OMA1: variants seen among roughly 807,000 people sequenced by gnomAD.
OMA1 encodes OMA1 zinc metallopeptidase.
In OMA1, 38 loss-of-function variants were observed where a neutral mutation model predicts 30.9. The ratio of observed to expected loss-of-function variants is 1.23; its 90% CI spans 0.95 to 1.61. OMA1 has a LOEUF of 1.61. Among genes scored for constraint, OMA1 ranks in the 40% most tolerant of loss-of-function variants. OMA1 has a pLI of 0.00. For synonymous variants in OMA1, 173 were observed against 121.9 expected (o/e 1.42, Z -2.76); for missense variants, 461 against 349.2 (o/e 1.32, Z -2.55).
chr1:58,530,172 C>T (rs188773428), intron 6 of OMA1, among the ~76,000 whole-genome samples: 288 of 152,300 alleles, frequency 1.9e-3, no homozygotes, highest in Middle Eastern at 6.8e-3. Context: ...TGAGCCACGG[C>T]GCCCGGCCAA....
chr1:58,491,739 A>G (rs1569881271), intron 8 of OMA1, among the ~76,000 whole-genome samples: 1 of 152,244 alleles, frequency 6.6e-6, no homozygotes, highest in Non-Finnish European at 1.5e-5. Context: ...TATGCACCCA[A>G]TACAGGAGCA....
intron 6 of OMA1, among the ~76,000 whole-genome samples, chr1:58,528,769 A>G (rs1646389304): frequency 6.6e-6 from 1 of 152,174 alleles, no homozygotes; most frequent in South Asian, 2.1e-4. Context: ...CACTATCAAC[A>G]TTCCTCTCTG....
intron 6 of OMA1, among the ~76,000 whole-genome samples, chr1:58,529,626 A>C (rs1394847002): frequency 6.6e-6 from 1 of 152,248 alleles, no homozygotes; most frequent in Admixed American, 6.5e-5. Context: ...ATTAAAGTTC[A>C]GAGGTTTTAA....
rs1195487925 is a variant in OMA1, at chr1:58,539,276, A to G, written c.19T>C (p.Leu7=). 7 of 852,584 alleles carry G rather than the reference A, an allele frequency of 8.2e-6. No individual in the cohort carries two copies. The highest frequency in any genetic ancestry group is 1.8e-5 in the Admixed American group (1 of 54,510). 52.8% of individuals were successfully genotyped at this position (852,584 alleles called of 1,614,324 possible). ...ACATGGTTTCTAGCAGCAGACTGCA[A>G]TCCACAGATGAAGCTCATTTTTTCA... MSFICG[L]QSAARNHVFF... Residue 7 remains leucine (L), a synonymous_variant, in exon 2 of 9, where the codon TTG becomes CTG. Coordinates refer to ENST00000371226, the MANE Select transcript of OMA1 (RefSeq NM_145243.5).
At chr1:58,504,054 G>A (rs1645948805) in intron 8 of OMA1, among the ~76,000 whole-genome samples, 3 of 152,076 alleles carry the variant, frequency 2.0e-5, no homozygotes. Flanking sequence ...CTCCTAAAAA[G>A]TCTCCCTGAC....
chr1:58,489,667 A>AG lies in OMA1; in HGVS notation c.1366-8494dup, dbSNP rs1178525499. Among the ~76,000 whole-genome samples the AG allele has an allele frequency of 8.7e-4, 132 of 152,338 alleles. 1 individual carries two copies. The highest frequency in any genetic ancestry group is 8.5e-3 in the Admixed American group (130 of 15,302). The stretch of plus-strand genomic sequence containing the variant: ...TCCTCAAGTGGGTCCCTGACCCCTG[A>AG]GTAGCCTAACTGGGAGGCACCCCCC... On this transcript the variant is annotated intron_variant, in intron 8 of 8. Transcript: ENST00000371226.
chr1:58,530,517 A>G, intron 6 of OMA1, 84 bp downstream of exon 6: 1 of 731,496 alleles, frequency 1.4e-6, no homozygotes, highest in Non-Finnish European at 2.3e-6. Context: ...ATGTAAAAAC[A>G]TCTCTGGATT....
chr1:58,515,171 C>A (rs1157031013), intron 7 of OMA1, among the ~76,000 whole-genome samples: 1 of 152,112 alleles, frequency 6.6e-6, no homozygotes, highest in Non-Finnish European at 1.5e-5. Context: ...ATTCTCTAAA[C>A]AACATTTTTC....
chr1:58,505,975 T>A lies in OMA1; in HGVS notation c.1365+85A>T, dbSNP rs973589285. On this transcript the variant is annotated intron_variant, in intron 8 of 8. Coordinates refer to ENST00000371226, the MANE Select transcript of OMA1 (RefSeq NM_145243.5). ...CAAAATAGTTAATAGGCTAGAACTC[T>A]CTTTTACTAAGCAAAAGAAGTGACA... 7 of 734,568 alleles carry A rather than the reference T, an allele frequency of 9.5e-6. No homozygotes were observed. In the African/African-American group the frequency reaches 1.2e-4, roughly 13 times the overall value. The allele number at this position is 734,568 out of a possible 1,614,324, so 45.5% of individuals were successfully genotyped here. A position where few individuals can be genotyped will look rare whatever the true frequency, so the allele number is the denominator to read the frequency against.
chr1:58,509,214 C>A (rs1226800763), intron 7 of OMA1, among the ~76,000 whole-genome samples: 1 of 151,784 alleles, frequency 6.6e-6, no homozygotes, highest in Non-Finnish European at 1.5e-5. Flanking sequence ...CAGAAACTGA[C>A]CCTAATGAAA....
chr1:58,491,361 G>A (rs1222054078), intron 8 of OMA1, among the ~76,000 whole-genome samples: 9 of 152,072 alleles, frequency 5.9e-5, no homozygotes, highest in Admixed American at 2.0e-4. Context: ...ATCAACTCAC[G>A]AGCAAAATAA....
At position 58,503,680 on chromosome 1, in the gene OMA1, C is replaced by A. The variant is rs551047174; in HGVS notation, c.1365+2380G>T. On this transcript the variant is annotated intron_variant, in intron 8 of 8. Transcript: ENST00000371226. ...TTGCCCCTTCTACCATGTGAGGTTA[C>A]AAGGAGAAGATGGCTGTTTATGAGC... Among the ~76,000 whole-genome samples the A allele has an allele frequency of 2.0e-5, 3 of 152,074 alleles. No homozygotes were observed. The South Asian group carries it at 6.2e-4, about 32-fold the overall frequency.
chr1:58,543,685 T>C (rs773902642), intron 1 of OMA1, among the ~76,000 whole-genome samples: 1 of 152,192 alleles, frequency 6.6e-6, no homozygotes, highest in Non-Finnish European at 1.5e-5. Flanking sequence ...AAAAATGACA[T>C]GATGATCTGT....
At chr1:58,545,376 G>A (rs1646684678) in intron 1 of OMA1, among the ~76,000 whole-genome samples, 6 of 152,154 alleles carry the variant, frequency 3.9e-5, no homozygotes, top group Admixed American at 3.9e-4. Flanking sequence ...TGACAACCAA[G>A]TGTCGTTTTG....
At chr1:58,520,727 A>G (rs771227692) in intron 7 of OMA1, among the ~76,000 whole-genome samples, 2 of 152,216 alleles carry the variant, frequency 1.3e-5, no homozygotes, top group Non-Finnish European at 2.9e-5. Flanking sequence ...CAGTGATTTT[A>G]TTGCAAGAAA....
intron 8 of OMA1, among the ~76,000 whole-genome samples, chr1:58,505,512 G>A (rs1360389443): frequency 6.6e-6 from 1 of 151,990 alleles, no homozygotes; most frequent in Non-Finnish European, 1.5e-5. Context: ...GCCTCAGCTT[G>A]ACCCACTTAT....
rs749395009 is a variant in OMA1 at position 58,536,554 on chromosome 1, T to G, written c.688A>C (p.Lys230Gln). The part of the protein sequence containing the change: ...TGRSKLLLLG[K>Q]EQFRLLSELE... The stretch of plus-strand genomic sequence containing the variant: ...TCCGATAAAAGTCTGAACTGTTCTT[T>G]CCCCAATAATAGTAGCTTGCTCCTT... The change falls in exon 3 of 9, where the codon AAA becomes CAA. Residue 230 changes from lysine to glutamine, a missense_variant. Coordinates refer to ENST00000371226, the MANE Select transcript of OMA1 (RefSeq NM_145243.5). 2 of 872,846 alleles carry G rather than the reference T, an allele frequency of 2.3e-6. No homozygotes were observed. Among genetic ancestry groups the G allele is most frequent in the Non-Finnish European group, 4.0e-6 (2 of 501,626 alleles). 54.1% of individuals were successfully genotyped at this position (872,846 alleles called of 1,614,324 possible). A position where few individuals can be genotyped will look rare whatever the true frequency, so the allele number is the denominator to read the frequency against.
At chr1:58,493,714 T>C (rs78228066) in intron 8 of OMA1, among the ~76,000 whole-genome samples, 3,131 of 151,728 alleles carry the variant, frequency 0.021, 38 homozygotes, top group Non-Finnish European at 0.031. Flanking sequence ...TTACAAGGGA[T>C]GTGAAGGACC....
chr1:58,542,921 G>T (rs548268801), intron 1 of OMA1, among the ~76,000 whole-genome samples: 1 of 152,208 alleles, frequency 6.6e-6, no homozygotes, highest in Non-Finnish European at 1.5e-5. Context: ...TGTGTAAGTT[G>T]GGTCTACAGC....
Sources: allele counts gnomAD v4.1 joint callset (sites outside exome capture counted in the v4.1 genomes callset), GRCh38; gene constraint gnomAD v4.1.1; transcripts MANE v1.5; gene names NCBI Gene and HGNC (gene_info 2026-07-23, HGNC 2026-07-21).